Variants in CDH8 observed in about 807,000 individuals in gnomAD.
CDH8 encodes cadherin 8.
Under a neutral mutation model 68.1 loss-of-function variants are expected in CDH8, and 17 were observed. The ratio of observed to expected loss-of-function variants is 0.25; its 90% CI spans 0.17 to 0.37. The LOEUF (loss-of-function observed/expected upper bound fraction) is 0.37. CDH8 is among the 10% of genes least tolerant of loss of function. The pLI, the probability that CDH8 is intolerant of heterozygous loss-of-function variation, is 1.00. For missense variants in CDH8, 763 were observed against 999.3 expected, an observed-to-expected ratio of 0.76 and a Z score of 3.19; for synonymous variants, 372 against 365.1, an observed-to-expected ratio of 1.02 and a Z score of -0.21.
At chr16:61,884,412 T>C (rs2143151433) in intron 3 of CDH8, among the ~76,000 whole-genome samples, 1 of 151,790 alleles carries the variant, frequency 6.6e-6, no homozygotes, top group Admixed American at 6.6e-5. Context: ...CTCGCTCTAT[T>C]GCCCAGGCTG....
intron 6 of CDH8, 88 bp from the exon 7 acceptor site, chr16:61,817,820 T>C (rs764930366): frequency 2.9e-6 from 4 of 1,368,508 alleles, no homozygotes; most frequent in Non-Finnish European, 4.0e-6. Flanking sequence ...ATGAAAGTTA[T>C]GTGCATTTAA....
intron 2 of CDH8, among the ~76,000 whole-genome samples, chr16:61,909,361 C>A (rs1257510220): frequency 6.6e-6 from 1 of 152,190 alleles, no homozygotes; most frequent in Non-Finnish European, 1.5e-5. Flanking sequence ...GTAAGTTCCA[C>A]AAGTGCAAGC....
intron 10 of CDH8, among the ~76,000 whole-genome samples, chr16:61,666,295 A>C (rs1469981912): frequency 6.6e-6 from 1 of 151,904 alleles, no homozygotes; most frequent in Non-Finnish European, 1.5e-5. Context: ...CAGATGAAAA[A>C]GGGAAATACT....
At chr16:61,922,181 C>T (rs187596377) in intron 2 of CDH8, among the ~76,000 whole-genome samples, 3 of 152,308 alleles carry the variant, frequency 2.0e-5, no homozygotes, top group Admixed American at 2.0e-4. Flanking sequence ...TTTTCCTAAT[C>T]ATAGGACAGA....
At chr16:61,771,487 A>C (rs1014165306) in intron 8 of CDH8, among the ~76,000 whole-genome samples, 15 of 151,634 alleles carry the variant, frequency 9.9e-5, no homozygotes, top group Admixed American at 1.3e-4. Flanking sequence ...AAAAAAAAAA[A>C]AAAAAACTTT....
In CDH8 at chr16:61,648,793, A is replaced by G. The variant is rs1963259682; in HGVS notation, c.*4815T>C. 6.6e-6 allele frequency: 1 copy of G among 151,978 alleles called. No individual in the cohort carries two copies. The highest frequency in any genetic ancestry group is 2.1e-4 in the South Asian group (1 of 4,830). 9.4% of individuals were successfully genotyped at this position (151,978 alleles called of 1,614,324 possible). A position where few individuals can be genotyped will look rare whatever the true frequency, so the allele number is the denominator to read the frequency against. ...AAAATTCTTTTTCCTCAGATAGTCC[A>G]TCAAGTCAGGAAATTTTTAAATTTT... On this transcript the variant is annotated 3_prime_UTR_variant, in exon 12 of 12. Coordinates refer to ENST00000577390, the MANE Select transcript of CDH8 (RefSeq NM_001796.5).
At chr16:62,029,858 C>A (rs1902283063) in intron 1 of CDH8, among the ~76,000 whole-genome samples, 1 of 152,170 alleles carries the variant, frequency 6.6e-6, no homozygotes, top group South Asian at 2.1e-4. Flanking sequence ...CTAACTTTTT[C>A]TATTTATTTC....
chr16:61,966,904 T>C (rs1965261006), intron 2 of CDH8, among the ~76,000 whole-genome samples: 1 of 152,096 alleles, frequency 6.6e-6, no homozygotes, highest in Non-Finnish European at 1.5e-5. Flanking sequence ...ATAATTTCAC[T>C]TTAAAGAAGA....
At chr16:61,770,596 C>G (rs1314476350) in intron 8 of CDH8, among the ~76,000 whole-genome samples, 2 of 151,946 alleles carry the variant, frequency 1.3e-5, no homozygotes, top group South Asian at 4.1e-4. Context: ...ATATCCAAAA[C>G]TTCCTGGATG....
chr16:62,009,015 G>T, intron 2 of CDH8, among the ~76,000 whole-genome samples: 1 of 142,154 alleles, frequency 7.0e-6, no homozygotes. Flanking sequence ...TATACTTTTA[G>T]GTTCCTATAC....
intron 10 of CDH8, among the ~76,000 whole-genome samples, chr16:61,657,667 A>T (rs1306776362): frequency 6.6e-6 from 1 of 152,128 alleles, no homozygotes; most frequent in Non-Finnish European, 1.5e-5. Flanking sequence ...ACATTTCTGG[A>T]TGGTTTTATA....
chr16:61,962,184 C>G (rs916772781), intron 2 of CDH8, among the ~76,000 whole-genome samples: 6 of 152,140 alleles, frequency 3.9e-5, no homozygotes, highest in African/African-American at 1.4e-4. Flanking sequence ...AGGGGCTTGT[C>G]TTGCTGTCGC....
intron 2 of CDH8, among the ~76,000 whole-genome samples, chr16:61,999,014 T>G (rs1965851202): frequency 6.6e-6 from 1 of 152,292 alleles, no homozygotes; most frequent in South Asian, 2.1e-4. Flanking sequence ...AAGAGTCTCA[T>G]TAGCAAACAT....
chr16:61,999,945 A>C (rs911198910), intron 2 of CDH8, among the ~76,000 whole-genome samples: 1 of 151,840 alleles, frequency 6.6e-6, no homozygotes, highest in African/African-American at 2.4e-5. Flanking sequence ...ATTTGTCCTA[A>C]TGCTCTCCCT....
chr16:61,964,528 T>C (rs1335731074), intron 2 of CDH8, among the ~76,000 whole-genome samples: 6 of 140,900 alleles, frequency 4.3e-5, no homozygotes, highest in Non-Finnish European at 9.4e-5. Context: ...TGGCCCAAGC[T>C]GAGAGATTTT....
At chr16:61,876,854 C>A (rs1963472360) in intron 3 of CDH8, among the ~76,000 whole-genome samples, 1 of 151,940 alleles carries the variant, frequency 6.6e-6, no homozygotes, top group Non-Finnish European at 1.5e-5. Flanking sequence ...GTATACGGAT[C>A]AGCATATGTG....
At chr16:61,707,231 G>A (rs548160165) in intron 10 of CDH8, among the ~76,000 whole-genome samples, 1 of 152,128 alleles carries the variant, frequency 6.6e-6, no homozygotes, top group East Asian at 1.9e-4. Context: ...TTAATAGAGA[G>A]GAAGAGGACA....
chr16:61,773,861 C>G (rs187582978), intron 8 of CDH8, among the ~76,000 whole-genome samples: 2 of 152,064 alleles, frequency 1.3e-5, no homozygotes, highest in South Asian at 2.1e-4. Context: ...GCTCTAGGGA[C>G]CAGAAAATAT....
At chr16:61,897,220 T>C (rs1257331755) in intron 3 of CDH8, among the ~76,000 whole-genome samples, 1 of 151,952 alleles carries the variant, frequency 6.6e-6, no homozygotes, top group Admixed American at 6.6e-5. Flanking sequence ...TATGTATGTA[T>C]TTACAAGTGC....
Sources: allele counts gnomAD v4.1 joint callset (sites outside exome capture counted in the v4.1 genomes callset), GRCh38; gene constraint gnomAD v4.1.1; transcripts MANE v1.5; gene names NCBI Gene and HGNC (gene_info 2026-07-23, HGNC 2026-07-21).